ZNF484: variants seen among roughly 807,000 people sequenced by gnomAD.
ZNF484 encodes KRAB box containing C2H2 type zinc finger bA526D8.4.
A neutral mutation model predicts 12.9 loss-of-function variants in ZNF484; 11 were observed. The ratio of observed to expected loss-of-function variants is 0.85; its 90% confidence interval spans 0.54 to 1.41. ZNF484 has a LOEUF of 1.41. ZNF484 is among the 40% of genes most tolerant of loss of function. The pLI, the probability that ZNF484 is intolerant of heterozygous loss-of-function variation, is 0.00. For missense variants in ZNF484, 807 were observed against 1,007.7 expected (o/e 0.80, Z 2.70); for synonymous variants, 289 against 334.1 (o/e 0.86, Z 1.47).
intron 2 of ZNF484, among the ~76,000 whole-genome samples, chr9:92,870,523 GC>G (rs1369138402): frequency 2.0e-5 from 3 of 152,200 alleles, no homozygotes; most frequent in Admixed American, 2.0e-4. Flanking sequence ...TATGAGAAAA[GC>G]CAACTGGGGA....
intron 2 of ZNF484, among the ~76,000 whole-genome samples, chr9:92,863,651 G>A (rs1329802623): frequency 2.0e-5 from 3 of 152,156 alleles, no homozygotes; most frequent in Admixed American, 1.3e-4. Context: ...TCAATTATTC[G>A]TTTTGTATAC....
At chr9:92,865,092 G>A (rs1460118931) in intron 2 of ZNF484, among the ~76,000 whole-genome samples, 1 of 152,114 alleles carries the variant, frequency 6.6e-6, no homozygotes, top group African/African-American at 2.4e-5. Context: ...CATTATATTA[G>A]GGGACCATAC....
At position 92,848,041 on chromosome 9, in the gene ZNF484, C is replaced by A. The variant is rs747127093; in HGVS notation, c.746G>T (p.Ser249Ile). ...TACGTAGTCAGAAAACAAATAGAGG[C>A]TCTCTCTAGTATGAATTTTCTGTTG... ...IQQQKIHTRE[S>I]LYLFSDYVNV... Residue 249 changes from serine (S) to isoleucine (I), a missense_variant, in exon 5 of 5, where the codon AGC becomes ATC. Transcript: ENST00000375495. The surrounding 1 kb of genome is among the most constrained non-coding windows in gnomAD (Gnocchi z 4.1). 6.2e-7 allele frequency: 1 copy of A among 1,614,206 alleles called. No individual in the cohort carries two copies. Among genetic ancestry groups the A allele is most frequent in the South Asian group, 1.1e-5 (1 of 91,090 alleles).
chr9:92,859,779 A>G (rs77901460), intron 2 of ZNF484, among the ~76,000 whole-genome samples: 496 of 152,282 alleles, frequency 3.3e-3, no homozygotes, highest in African/African-American at 0.011. Context: ...CATAATACTC[A>G]TGGCTATGGT....
chr9:92,873,913 A>G (rs928204163), intron 2 of ZNF484, among the ~76,000 whole-genome samples: 1 of 151,648 alleles, frequency 6.6e-6, no homozygotes, highest in African/African-American at 2.4e-5. Context: ...TTAACAAAAT[A>G]TTAGCAAATA....
At chr9:92,870,481 C>T (rs1389336581) in intron 2 of ZNF484, among the ~76,000 whole-genome samples, 1 of 152,176 alleles carries the variant, frequency 6.6e-6, no homozygotes, top group Non-Finnish European at 1.5e-5. Context: ...TGCCTGGCTG[C>T]CTGGGGATGC....
At chr9:92,858,942 G>A (rs139966126) in intron 2 of ZNF484, among the ~76,000 whole-genome samples, 4,897 of 152,022 alleles carry the variant, frequency 0.032, 155 homozygotes, top group African/African-American at 0.084. Context: ...TGGCTAACAC[G>A]GTGAAACCCG....
intron 2 of ZNF484, 120 bp from the exon 3 acceptor site, chr9:92,856,438 AT>A: frequency 1.4e-6 from 1 of 711,582 alleles, no homozygotes; most frequent in Non-Finnish European, 2.1e-6. Context: ...ATAGGACCTT[AT>A]TTTTAATGTG....
rs760057988 is a variant in ZNF484 at position 92,847,219 on chromosome 9, G to A, written c.1568C>T (p.Pro523Leu). The A allele has an allele frequency of 6.2e-7, 1 of 1,614,104 alleles. No individual in the cohort carries two copies. The highest frequency in any genetic ancestry group is 1.1e-5 in the South Asian group (1 of 91,082). ...KHQKIHTGEKPYKCSDCGKSF... is the reference protein window; with the variant it reads ...KHQKIHTGEKLYKCSDCGKSF... ...TTTTCCACAGTCGCTGCATTTATAAGGTTTCTCTCCAGTATGAATTTTTTG... is the reference window on the plus strand; with the variant it reads ...TTTTCCACAGTCGCTGCATTTATAAAGTTTCTCTCCAGTATGAATTTTTTG... Residue 523 changes from proline (P) to leucine (L), a missense_variant, in exon 5 of 5, where the codon CCT (proline) becomes CTT (leucine). Coordinates refer to ENST00000375495, the MANE Select transcript of ZNF484 (RefSeq NM_031486.4).
At chr9:92,863,650 C>T (rs1333763771) in intron 2 of ZNF484, among the ~76,000 whole-genome samples, 4 of 152,028 alleles carry the variant, frequency 2.6e-5, no homozygotes, top group East Asian at 1.9e-4. Flanking sequence ...CTCAATTATT[C>T]GTTTTGTATA....
In ZNF484 at chr9:92,874,283, C is replaced by G. The variant is rs952074672; in HGVS notation, c.15+732G>C. Among the ~76,000 whole-genome samples, 4 of 150,526 alleles carry G rather than the reference C, an allele frequency of 2.7e-5. 1 individual carries two copies. The highest frequency in any genetic ancestry group is 9.8e-5 in the African/African-American group (4 of 40,840). ...GTTCTATAAGACAGCAACAGAAAAA[C>G]TGTTAGTGCACGTTCTTTCTTTCTT... On this transcript the variant is annotated intron_variant, in intron 2 of 4. Coordinates refer to ENST00000375495, the MANE Select transcript of ZNF484 (RefSeq NM_031486.4).
chr9:92,851,724 T>C (rs1178329212), intron 4 of ZNF484, among the ~76,000 whole-genome samples: 5 of 152,204 alleles, frequency 3.3e-5, no homozygotes, highest in African/African-American at 1.2e-4. Flanking sequence ...ACATACAGTC[T>C]TTTCATTTTC....
At chr9:92,858,226 A>T (rs950626839) in intron 2 of ZNF484, among the ~76,000 whole-genome samples, 1 of 152,222 alleles carries the variant, frequency 6.6e-6, no homozygotes, top group Non-Finnish European at 1.5e-5. Flanking sequence ...AAAGTTCAAA[A>T]ATTGAAAAAT....
At chr9:92,855,942 C>G in intron 3 of ZNF484, 39 bp from the exon 4 acceptor site, 12 of 1,602,342 alleles carry the variant, frequency 7.5e-6, no homozygotes, top group Non-Finnish European at 1.0e-5. Context: ...ATTTCAGAGG[C>G]CATACAATGA....
intron 4 of ZNF484, among the ~76,000 whole-genome samples, chr9:92,855,521 A>G (rs966121351): frequency 2.0e-5 from 3 of 152,130 alleles, no homozygotes; most frequent in Admixed American, 1.3e-4. Context: ...GAAAAAAGCA[A>G]GAAAACAGGA....
At chr9:92,856,971 G>A (rs1236718459) in intron 2 of ZNF484, among the ~76,000 whole-genome samples, 1 of 152,110 alleles carries the variant, frequency 6.6e-6, no homozygotes, top group African/African-American at 2.4e-5. Flanking sequence ...TGATCCGCCC[G>A]CCTCAGCCTC....
At chr9:92,877,096 C>G (rs554440399) in intron 1 of ZNF484, among the ~76,000 whole-genome samples, 1 of 152,104 alleles carries the variant, frequency 6.6e-6, no homozygotes, top group Admixed American at 6.5e-5. Flanking sequence ...TCCTAAATAA[C>G]TAAGATTCAA....
chr9:92,846,843 T>C lies in ZNF484; in HGVS notation c.1944A>G (p.Arg648=), dbSNP rs747204354. The change falls in exon 5 of 5, where the codon AGA becomes AGG. Residue 648 remains arginine (R), a synonymous_variant. Transcript: ENST00000375495. ...CAECGKAFTD[R]SNLFTHQKIH... is the part of the protein sequence containing the mutation. ...TTTTCTGGTGTGTAAAGAGATTTGA[T>C]CTGTCAGTAAAAGCCTTTCCACATT... 1 of 1,613,816 alleles carries C rather than the reference T, an allele frequency of 6.2e-7. No individual in the cohort carries two copies. The highest frequency in any genetic ancestry group is 1.3e-5 in the African/African-American group (1 of 74,846).
At chr9:92,861,735 G>A (rs142603995) in intron 2 of ZNF484, among the ~76,000 whole-genome samples, 54 of 152,124 alleles carry the variant, frequency 3.5e-4, no homozygotes, top group African/African-American at 1.2e-3. Flanking sequence ...AGTCCTAGAA[G>A]GAATGAAAAA....
Sources: allele counts gnomAD v4.1 joint callset (sites outside exome capture counted in the v4.1 genomes callset), GRCh38; gene constraint gnomAD v4.1.1; non-coding constraint Gnocchi (gnomAD v3.1); transcripts MANE v1.5; gene names NCBI Gene and HGNC (gene_info 2026-07-23, HGNC 2026-07-21).